CFTR: variants seen among roughly 807,000 people sequenced by gnomAD.
The protein encoded by CFTR is CF transmembrane conductance regulator.
CFTR carries 181 observed loss-of-function variants against 171.6 expected under a neutral mutation model. That is an observed-to-expected ratio of 1.05 (90% CI 0.93 to 1.19). CFTR has a LOEUF of 1.19. Ranked by LOEUF, CFTR falls within the 50% of genes most tolerant of loss-of-function variation. The pLI is 0.00. For missense variants in CFTR, 1,968 were observed against 1,734.7 expected, an observed-to-expected ratio of 1.13 and a Z score of -2.39; for synonymous variants, 583 against 608.0, an observed-to-expected ratio of 0.96 and a Z score of 0.60.
rs757410423 is a variant in CFTR, at chr7:117,603,651, T to C, written c.2777T>C (p.Leu926Ser). 1.9e-6 allele frequency: 3 copies of C among 1,614,102 alleles called. No homozygotes were observed. Among genetic ancestry groups the C allele is most frequent in the Non-Finnish European group, 2.5e-6 (3 of 1,179,962 alleles). Residue 926 changes from leucine (L) to serine (S), a missense_variant, in exon 17 of 27, where the codon TTG (leucine) becomes TCG (serine). Leu to Ser is a moderately radical substitution (Grantham distance 145, BLOSUM62 -2). Coordinates refer to ENST00000003084, the MANE Select transcript of CFTR (RefSeq NM_000492.4). ...FYIYVGVADT[L>S]LAMGFFRGLP... The stretch of plus-strand genomic sequence containing the variant: ...ATTTACGTGGGAGTAGCCGACACTT[T>C]GCTTGCTATGGGATTCTTCAGAGGT...
intron 16 of CFTR, among the ~76,000 whole-genome samples, 165 bp from the exon 17 acceptor site, chr7:117,603,367 A>G (rs1792253544): frequency 6.6e-6 from 1 of 152,182 alleles, no homozygotes; most frequent in South Asian, 2.1e-4. Flanking sequence ...GAGAAAACAT[A>G]TCTATTTTCT....
chr7:117,578,039 G>A (rs1004415405), intron 11 of CFTR, among the ~76,000 whole-genome samples: 2 of 152,000 alleles, frequency 1.3e-5, no homozygotes, highest in South Asian at 2.1e-4. Context: ...ACACATGCAT[G>A]CACATATACA....
At chr7:117,645,592 C>CATAA (rs1792985816) in intron 23 of CFTR, among the ~76,000 whole-genome samples, 2 of 152,064 alleles carry the variant, frequency 1.3e-5, no homozygotes, top group African/African-American at 4.8e-5. Context: ...GCAGTGCCTT[C>CATAA]CTCATCTTTT....
chr7:117,650,536 A>G (rs1022685431), intron 23 of CFTR, among the ~76,000 whole-genome samples: 1 of 152,140 alleles, frequency 6.6e-6, no homozygotes, highest in Non-Finnish European at 1.5e-5. Flanking sequence ...ATTGCCTTTC[A>G]TAACTCTGTG....
At chr7:117,518,604 T>G (rs991170846) in intron 3 of CFTR, among the ~76,000 whole-genome samples, 2 of 149,658 alleles carry the variant, frequency 1.3e-5, no homozygotes, top group African/African-American at 4.9e-5. Flanking sequence ...GTTTTCTGCC[T>G]TTCATTTTTA....
chr7:117,575,356 A>G (rs912127901), intron 11 of CFTR, among the ~76,000 whole-genome samples: 2 of 152,124 alleles, frequency 1.3e-5, no homozygotes. Flanking sequence ...ATTACTTGTA[A>G]GATGCTATAT....
At chr7:117,578,500 G>A (rs1464686930) in intron 11 of CFTR, among the ~76,000 whole-genome samples, 1 of 152,102 alleles carries the variant, frequency 6.6e-6, no homozygotes, top group Non-Finnish European at 1.5e-5. Context: ...TAAGTTTCTG[G>A]TAGTTACAAG....
chr7:117,496,331 G>A (rs777666768), intron 1 of CFTR, among the ~76,000 whole-genome samples: 2 of 151,874 alleles, frequency 1.3e-5, no homozygotes, highest in Admixed American at 6.6e-5. Flanking sequence ...TCAGTCTCCC[G>A]AGTAGCTGAG....
At chr7:117,575,328 C>T (rs752056906) in intron 11 of CFTR, among the ~76,000 whole-genome samples, 28 of 152,052 alleles carry the variant, frequency 1.8e-4, no homozygotes, top group Admixed American at 4.6e-4. Context: ...ACCTCTAGTT[C>T]TAATTTGGAA....
chr7:117,571,928 A>G (rs543406725), intron 11 of CFTR, among the ~76,000 whole-genome samples: 2 of 152,234 alleles, frequency 1.3e-5, no homozygotes, highest in Non-Finnish European at 2.9e-5. Flanking sequence ...TAAAAATTGC[A>G]TTCGAATTTG....
rs201503139 is a variant in CFTR, at chr7:117,652,884, C to T, written c.3916C>T (p.Pro1306Ser). Residue 1306 changes from proline to serine, a missense_variant, in exon 24 of 27, where the codon CCC becomes TCC. Physicochemically the swap from Pro to Ser is moderately conservative, Grantham distance 74 (BLOSUM62 -1). Transcript: ENST00000003084. ...FSGTFRKNLD[P>S]YEQWSDQEIW... Reference sequence around the variant, plus strand: ...TGGAACATTTAGAAAAAACTTGGATCCCTATGAACAGTGGAGTGATCAAGA... The same window carrying T: ...TGGAACATTTAGAAAAAACTTGGATTCCTATGAACAGTGGAGTGATCAAGA... 1.3e-5 allele frequency: 21 copies of T among 1,599,970 alleles called. No homozygotes were observed. Among genetic ancestry groups the T allele is most frequent in the Non-Finnish European group, 1.8e-5 (21 of 1,169,574 alleles).
intron 15 of CFTR, among the ~76,000 whole-genome samples, chr7:117,597,758 A>G (rs961939938): frequency 2.0e-5 from 3 of 151,166 alleles, no homozygotes; most frequent in Non-Finnish European, 4.4e-5. Flanking sequence ...GTTGTCTTCA[A>G]TGTCCCCATT....
At position 117,627,521 on chromosome 7, in the gene CFTR, G is replaced by A; in HGVS notation, c.3469-1G>A. ...CAAAAATGTTGTTATTTTTATTTCA[G>A]ATGCGATCTGTGAGCCGAGTCTTTA... is the stretch of plus-strand genomic sequence containing the variant. On this transcript the variant is annotated splice_acceptor_variant, in intron 21 of 26. Transcript: ENST00000003084. LOFTEE classifies it high-confidence loss of function. 1 of 1,612,982 alleles carries A rather than the reference G, an allele frequency of 6.2e-7. No homozygotes were observed. The highest frequency in any genetic ancestry group is 8.5e-7 in the Non-Finnish European group (1 of 1,179,290).
rs75191064 is a variant in CFTR at position 117,642,842 on chromosome 7, A to T, written c.3873+249A>T. On this transcript the variant is annotated intron_variant, in intron 23 of 26. Transcript: ENST00000003084. ...TTCAGAAGACCAAATTTACAGTGGG[A>T]GCCTTGGGCTTTTGTTTTTTAACAG... 1.2e-4 allele frequency among the ~76,000 whole-genome samples: 19 copies of T among 152,068 alleles called. 1 individual carries two copies. In the East Asian group the frequency reaches 3.7e-3, roughly 29 times the overall value.
At chr7:117,642,379 A>G (rs1792929364) in intron 22 of CFTR, 59 bp from the exon 23 acceptor site, 1 of 1,447,138 alleles carries the variant, frequency 6.9e-7, no homozygotes, top group Non-Finnish European at 9.7e-7. Context: ...ATACTGAATT[A>G]TGTTTATGGC....
rs574228140 is a variant in CFTR at position 117,649,318 on chromosome 7, A to G, written c.3874-3524A>G. Among the ~76,000 whole-genome samples the G allele has an allele frequency of 8.7e-5, 13 of 149,182 alleles. No homozygotes were observed. The South Asian group carries it at 2.3e-3, about 27-fold the overall frequency. The stretch of plus-strand genomic sequence containing the variant: ...TGTGTGTGTGTATATGTGTGTGTGT[A>G]TATATATATGGCAGTAGAGATATAT... On this transcript the variant is annotated intron_variant, in intron 23 of 26. Coordinates refer to ENST00000003084, the MANE Select transcript of CFTR (RefSeq NM_000492.4).
intron 20 of CFTR, among the ~76,000 whole-genome samples, chr7:117,612,013 ATATATATATG>A (rs1425409220): frequency 1.8e-5 from 1 of 55,558 alleles, no homozygotes; most frequent in African/African-American, 9.8e-5. Context: ...TCGGATATAT[ATATATATATG>A]TATATATATA....
At chr7:117,526,272 T>G (rs1798778158) in intron 3 of CFTR, among the ~76,000 whole-genome samples, 1 of 146,716 alleles carries the variant, frequency 6.8e-6, no homozygotes, top group Admixed American at 6.9e-5. Context: ...ACTGGGTACA[T>G]AACGAAATGA....
intron 2 of CFTR, among the ~76,000 whole-genome samples, chr7:117,505,664 A>G (rs1181836480): frequency 6.6e-6 from 1 of 152,198 alleles, no homozygotes; most frequent in Non-Finnish European, 1.5e-5. Flanking sequence ...TCTAGAATGA[A>G]CTAGGCTGAG....
Sources: allele counts gnomAD v4.1 joint callset (sites outside exome capture counted in the v4.1 genomes callset), GRCh38; gene constraint gnomAD v4.1.1; transcripts MANE v1.5; gene names NCBI Gene and HGNC (gene_info 2026-07-23, HGNC 2026-07-21).